Variants in ZFP64 observed in about 807,000 individuals in gnomAD.
ZFP64 encodes the protein zinc finger protein 64.
In ZFP64, 14 loss-of-function variants were observed where a neutral mutation model predicts 51.6. The ratio of observed to expected loss-of-function variants is 0.27; its 90% CI spans 0.18 to 0.42. The LOEUF (loss-of-function observed/expected upper bound fraction) is 0.42, where lower values mean the gene tolerates loss of function less well. Ranked by LOEUF, ZFP64 falls within the 10% of genes least tolerant of loss-of-function variation. ZFP64 has a pLI of 1.00. For missense variants in ZFP64, 754 were observed against 906.8 expected (o/e 0.83, Z 2.16); for synonymous variants, 375 against 361.4 (o/e 1.04, Z -0.43).
At chr20:52,122,374 C>T (rs1238189367) in intron 5 of ZFP64, among the ~76,000 whole-genome samples, 7 of 151,894 alleles carry the variant, frequency 4.6e-5, no homozygotes, top group East Asian at 1.9e-4. Context: ...GGTGTGGTGG[C>T]CGGCGCCTGT....
In ZFP64 at chr20:52,152,167, G is replaced by A. The variant is rs1980860790; in HGVS notation, c.2025C>T (p.Pro675=). Residue 675 remains proline, a synonymous_variant, in exon 6 of 6, where the codon CCC becomes CCT. Coordinates refer to ENST00000216923, the MANE Select transcript of ZFP64 (RefSeq NM_018197.3). ...QGAAHPALLC[P]ADSIPD ...AGCACTAATCTGGAATGGAGTCGGC[G>A]GGACAGAGCAAAGCTGGATGGGCTG... 4 of 1,613,788 alleles carry A rather than the reference G, an allele frequency of 2.5e-6. No homozygotes were observed. Among genetic ancestry groups the A allele is most frequent in the East Asian group, 4.5e-5 (2 of 44,870 alleles).
intron 3 of ZFP64, chr20:52,165,503 A>T (rs1303718908): frequency 4.2e-6 from 2 of 475,412 alleles, no homozygotes; most frequent in East Asian, 1.3e-4. Context: ...AATTTTTGCA[A>T]CTTTTCTGTA....
At position 52,086,473 on chromosome 20, in the gene ZFP64, A is replaced by G. The variant is rs115138745; in HGVS notation, c.1229-1207T>C. On this transcript the variant is annotated intron_variant, in intron 8 of 8. Coordinates refer to the ZFP64 transcript ENST00000361387. Reference sequence around the variant, plus strand: ...ACTCTCATAATTTTGTAACTTTCACAAGGAATTTTTTTTTTTTTTTTTGAT... The same window carrying G: ...ACTCTCATAATTTTGTAACTTTCACGAGGAATTTTTTTTTTTTTTTTTGAT... Among the ~76,000 whole-genome samples the G allele has an allele frequency of 9.5e-3, 1,274 of 134,594 alleles. 22 individuals are homozygous for G. Among genetic ancestry groups the G allele is most frequent in the African/African-American group, 0.035 (1,182 of 34,126 alleles). The allele number at this position is 134,594 out of a possible 152,430, so 88.3% of individuals were successfully genotyped here.
chr20:52,117,595 G>T, intron 5 of ZFP64: 1 of 454,660 alleles, frequency 2.2e-6, no homozygotes, highest in Non-Finnish European at 4.4e-6. Flanking sequence ...CTCTAGCCTG[G>T]GCGACAGAGC....
At chr20:52,097,882 A>G (rs1201089078) in intron 6 of ZFP64, among the ~76,000 whole-genome samples, 1 of 141,408 alleles carries the variant, frequency 7.1e-6, no homozygotes, top group Non-Finnish European at 1.5e-5. Context: ...CAGCCTGGGT[A>G]ACGTAGAGAC....
chr20:52,104,548 C>T, intron 5 of ZFP64: 1 of 371,850 alleles, frequency 2.7e-6, no homozygotes. Flanking sequence ...CGTCTGCCCC[C>T]ATCACCTCTC....
At chr20:52,184,090 T>G (rs1448964935) in intron 2 of ZFP64, among the ~76,000 whole-genome samples, 2 of 152,100 alleles carry the variant, frequency 1.3e-5, no homozygotes, top group African/African-American at 4.8e-5. Context: ...CCTCAAGTGA[T>G]CCGCCTCGGT....
chr20:52,169,135 C>T (rs2123048679), intron 2 of ZFP64, among the ~76,000 whole-genome samples: 1 of 152,298 alleles, frequency 6.6e-6, no homozygotes, highest in Middle Eastern at 3.4e-3. Flanking sequence ...AATCACCATG[C>T]CCACTTCATA....
At chr20:52,091,402 C>T (rs563181384) in intron 7 of ZFP64, among the ~76,000 whole-genome samples, 7 of 151,908 alleles carry the variant, frequency 4.6e-5, no homozygotes, top group Admixed American at 3.3e-4. Flanking sequence ...TCTGAAGATA[C>T]CTAAATCAAA....
intron 2 of ZFP64, among the ~76,000 whole-genome samples, chr20:52,184,829 T>C (rs1350263911): frequency 1.3e-5 from 2 of 152,028 alleles, no homozygotes; most frequent in Admixed American, 6.6e-5. Flanking sequence ...GGTCTTGCTA[T>C]GTTGACGAGG....
At chr20:52,119,533 A>ATATATATATATATATATATATAC (rs1555802531) in intron 5 of ZFP64, among the ~76,000 whole-genome samples, 5 of 89,838 alleles carry the variant, frequency 5.6e-5, no homozygotes, top group East Asian at 2.8e-4. Flanking sequence ...AAAAAAAAAA[A>ATATATATATATATATATATATAC]ATATATATAT....
chr20:52,098,324 G>A lies in ZFP64; in HGVS notation c.913+114C>T, dbSNP rs75777812. 3,707 of 1,439,758 alleles carry A rather than the reference G, an allele frequency of 2.6e-3. 134 individuals are homozygous for A. The East Asian group carries it at 0.07, about 27-fold the overall frequency. 89.2% of individuals were successfully genotyped at this position (1,439,758 alleles called of 1,614,324 possible). On this transcript the variant is annotated intron_variant, in intron 6 of 8. Transcript: ENST00000361387. ...GCTGTTGTGTGCTGATGTAGATACT[G>A]GCATGTTGTCAGCAAACAAGAGTAA...
rs917904834 is a variant in ZFP64, at chr20:52,085,972, C to T, written c.1229-706G>A. 9.2e-5 allele frequency among the ~76,000 whole-genome samples: 14 copies of T among 152,132 alleles called. No homozygotes were observed. Among genetic ancestry groups the T allele is most frequent in the Non-Finnish European group, 8.8e-5 (6 of 68,030 alleles). ...TCCTACACACCCATCCTTTCCCTAACCTCTCCCCTGCATTCTGGTGGTTGT... is the reference window on the plus strand; with the variant it reads ...TCCTACACACCCATCCTTTCCCTAATCTCTCCCCTGCATTCTGGTGGTTGT... On this transcript the variant is annotated intron_variant, in intron 8 of 8. Transcript: ENST00000361387. This position sits in a 1 kb window ranked among gnomAD's most constrained non-coding sequence, Gnocchi z 4.3.
intron 2 of ZFP64, among the ~76,000 whole-genome samples, chr20:52,181,163 C>T (rs62215771): frequency 0.079 from 11,951 of 152,118 alleles, 532 homozygotes; most frequent in Non-Finnish European, 0.1. Flanking sequence ...AGGCTGGTCT[C>T]GAACTCCTGA....
rs559136860 is a variant in ZFP64, at chr20:52,137,595, A to C, written c.763+22528T>G. Reference sequence around the variant, plus strand: ...GGGAAGCTGAAGGGTGTAAGAAACTATGGTGAACAATGAATGCAGTAATTT... The same window carrying C: ...GGGAAGCTGAAGGGTGTAAGAAACTCTGGTGAACAATGAATGCAGTAATTT... On this transcript the variant is annotated intron_variant, in intron 5 of 8. Transcript: ENST00000361387. Among the ~76,000 whole-genome samples the C allele has an allele frequency of 2.0e-5, 3 of 152,368 alleles. No homozygotes were observed. The East Asian group carries it at 5.8e-4, about 29-fold the overall frequency.
chr20:52,189,325 C>T (rs1245594510), intron 1 of ZFP64, among the ~76,000 whole-genome samples: 2 of 150,364 alleles, frequency 1.3e-5, no homozygotes, highest in East Asian at 2.0e-4. Flanking sequence ...GAACCTGGGA[C>T]GTGGAGGTTG....
chr20:52,136,137 A>AG (rs1401973260), intron 5 of ZFP64, among the ~76,000 whole-genome samples: 5 of 151,318 alleles, frequency 3.3e-5, no homozygotes, highest in African/African-American at 1.2e-4. Context: ...ACCAAAAAAA[A>AG]GAACAACAAC....
rs72411807 is a variant in ZFP64, at chr20:52,164,759, TA to T, written c.449-3del. ...CATAAGCAGTCTTGAATTGGCAACCTAAAAAAAAAAAGGAAAGATTAATTAC... is the reference window on the plus strand; with the variant it reads ...CATAAGCAGTCTTGAATTGGCAACCTAAAAAAAAAAGGAAAGATTAATTAC... On this transcript the variant is annotated splice_region_variant and splice_polypyrimidine_tract_variant and intron_variant, in intron 3 of 5. Transcript: ENST00000216923. 31,666 of 1,175,164 alleles carry T rather than the reference TA, an allele frequency of 0.027. No homozygotes were observed. The highest frequency in any genetic ancestry group is 0.039 in the East Asian group (1,040 of 26,630). 72.8% of individuals were successfully genotyped at this position (1,175,164 alleles called of 1,614,324 possible). A position where few individuals can be genotyped will look rare whatever the true frequency, so the allele number is the denominator to read the frequency against.
At position 52,187,033 on chromosome 20, in the gene ZFP64, C is replaced by T. The variant is rs750693604; in HGVS notation, c.85G>A (p.Asp29Asn). 3.7e-6 allele frequency: 6 copies of T among 1,611,886 alleles called. No individual in the cohort carries two copies. The highest frequency in any genetic ancestry group is 1.1e-5 in the South Asian group (1 of 91,024). The change falls in exon 2 of 6, where the codon GAC (aspartate) becomes AAC (asparagine). Residue 29 changes from aspartate to asparagine, a missense_variant. Asp to Asn is a conservative substitution (Grantham distance 23). This residue lies in a region of ZFP64 where 95 missense variants were observed against 97.7 expected (regional missense o/e 0.97). Transcript: ENST00000216923. ...GTTVLVELTP[D>N]IHICGICKQQ... ...TTGCAGATGCCGCAGATATGGATGT[C>T]GGGAGTCAGCTCCACCAGCACCGTT...
Sources: gnomAD v4.1 joint callset for allele counts (sites outside exome capture counted in the v4.1 genomes callset) on GRCh38, gnomAD v4.1.1 for gene constraint, gnomAD v4.1.1 regional missense constraint, Gnocchi (gnomAD v3.1) non-coding constraint, MANE v1.5 for transcripts, NCBI Gene and HGNC (gene_info 2026-07-23, HGNC 2026-07-21) for gene names.